Variants in PCDHGA7 observed in about 807,000 individuals in gnomAD.
PCDHGA7 encodes the protein protocadherin gamma-A7.
In PCDHGA7, 44 loss-of-function variants were observed where a neutral mutation model predicts 58.3. The observed-to-expected ratio is 0.75, with a 90% confidence interval of 0.59 to 0.97. The LOEUF (loss-of-function observed/expected upper bound fraction) is 0.97, where lower values mean the gene tolerates loss of function less well. Among genes scored for constraint, PCDHGA7 ranks in the 50% least tolerant of loss-of-function variants. PCDHGA7 has a pLI of 0.00. For missense variants in PCDHGA7, 1,266 were observed against 1,188.7 expected (o/e 1.06, Z -0.96); for synonymous variants, 516 against 504.2 (o/e 1.02, Z -0.31).
In PCDHGA7 at chr5:141,432,220, C is replaced by A. The variant is rs949257429; in HGVS notation, c.2424+46897C>A. ...CCGACTGTGAAGAGAACGCCCAGAT[C>A]ACTTATTCCCTGGCTGAGAACACCA... On this transcript the variant is annotated intron_variant, in intron 1 of 3. Coordinates refer to ENST00000518325, the MANE Select transcript of PCDHGA7 (RefSeq NM_018920.4). This position sits in a 1 kb window ranked among gnomAD's most constrained non-coding sequence, Gnocchi z 6.0. The A allele has an allele frequency of 2.5e-6, 4 of 1,614,246 alleles. No homozygotes were observed. The highest frequency in any genetic ancestry group is 1.6e-4 in the Middle Eastern group (1 of 6,062).
At chr5:141,414,733 G>A (rs768741206) in intron 1 of PCDHGA7, 2 of 1,614,174 alleles carry the variant, frequency 1.2e-6, no homozygotes. Flanking sequence ...CGTCCTGTAT[G>A]CACTCAGATC....
intron 1 of PCDHGA7, chr5:141,408,119 C>T (rs1271219465): frequency 6.8e-7 from 1 of 1,474,944 alleles, no homozygotes; most frequent in African/African-American, 1.4e-5. Flanking sequence ...CTCCTCCTGT[C>T]CTGGGCCGAA....
At chr5:141,474,143 T>C (rs933805562) in intron 1 of PCDHGA7, among the ~76,000 whole-genome samples, 5 of 152,188 alleles carry the variant, frequency 3.3e-5, no homozygotes, top group Non-Finnish European at 5.9e-5. Flanking sequence ...CAGGCCTTAT[T>C]ATCAAGAAAA....
chr5:141,494,844 C>T lies in PCDHGA7; in HGVS notation c.2462C>T (p.Ala821Val). The change falls in exon 2 of 4, where the codon GCC becomes GTC. Residue 821 changes from alanine to valine, a missense_variant. Ala to Val is a moderately conservative substitution (Grantham distance 64). Coordinates refer to ENST00000518325, the MANE Select transcript of PCDHGA7 (RefSeq NM_018920.4). ...PPNTDWRFSQ[A>V]QRPGTSGSQN... The stretch of plus-strand genomic sequence containing the variant: ...AACACGGACTGGCGTTTCTCTCAGG[C>T]CCAGAGACCCGGCACCAGCGGGTAG... The T allele has an allele frequency of 6.2e-7, 1 of 1,614,190 alleles. No homozygotes were observed. The highest frequency in any genetic ancestry group is 8.5e-7 in the Non-Finnish European group (1 of 1,180,028).
rs1312182657 is a variant in PCDHGA7 at position 141,406,777 on chromosome 5, CTT to C, written c.2424+21455_2424+21456del. Among the ~76,000 whole-genome samples the C allele has an allele frequency of 2.0e-5, 3 of 152,268 alleles. No individual in the cohort carries two copies. The East Asian group carries it at 5.8e-4, about 29-fold the overall frequency. On this transcript the variant is annotated intron_variant, in intron 1 of 3. Coordinates refer to ENST00000518325, the MANE Select transcript of PCDHGA7 (RefSeq NM_018920.4). ...CAAGGAATTAAAAATATTTCTCTCA[CTT>C]ATATATTATTTCTGGCTCAATTCTC...
chr5:141,412,973 C>G, intron 1 of PCDHGA7: 1 of 528,318 alleles, frequency 1.9e-6, no homozygotes, highest in Non-Finnish European at 3.3e-6. Flanking sequence ...GGAGAGAAAA[C>G]GCAGCCAGAG....
Position 141,432,691 on chromosome 5 carries a change from G to T in PCDHGA7, c.2424+47368G>T. 1 of 1,613,942 alleles carries T rather than the reference G, an allele frequency of 6.2e-7. No individual in the cohort carries two copies. The highest frequency in any genetic ancestry group is 1.1e-5 in the South Asian group (1 of 91,068). On this transcript the variant is annotated intron_variant, in intron 1 of 3. Coordinates refer to ENST00000518325, the MANE Select transcript of PCDHGA7 (RefSeq NM_018920.4). This position sits in a 1 kb window ranked among gnomAD's most constrained non-coding sequence, Gnocchi z 6.0. ...ACGCGCTCAAGCAGAGCCTCGTAGT[G>T]GCCGTCCAGGACCACGGCCAGCCCC... is the stretch of plus-strand genomic sequence containing the variant.
Position 141,384,094 on chromosome 5 carries a change from G to T in PCDHGA7, c.1195G>T (p.Asp399Tyr). 6.3e-7 allele frequency: 1 copy of T among 1,596,384 alleles called. No homozygotes were observed. The part of the protein sequence containing the change: ...NLPFKLEKSI[D>Y]NYYRLVTTKN... Reference sequence around the variant, plus strand: ...ACCTTTTAAATTAGAAAAATCAATAGATAATTATTATAGATTGGTCACAAC... The same window carrying T: ...ACCTTTTAAATTAGAAAAATCAATATATAATTATTATAGATTGGTCACAAC... The change falls in exon 1 of 4, where the codon GAT becomes TAT. Residue 399 changes from aspartate to tyrosine, a missense_variant. By Grantham distance (160) the Asp-to-Tyr change is radical (BLOSUM62 -3). Transcript: ENST00000518325.
intron 1 of PCDHGA7, chr5:141,399,654 G>A (rs2093857278): frequency 1.2e-6 from 2 of 1,613,586 alleles, no homozygotes. Flanking sequence ...AAAGTGGGGT[G>A]GTGTTCGCGC....
intron 1 of PCDHGA7, among the ~76,000 whole-genome samples, chr5:141,482,238 A>G (rs560354311): frequency 8.5e-5 from 13 of 152,304 alleles, no homozygotes; most frequent in African/African-American, 2.9e-4. Context: ...TTGCCAATAT[A>G]AGTATAGTAC....
At position 141,383,333 on chromosome 5, in the gene PCDHGA7, A is replaced by G; in HGVS notation, c.434A>G (p.Asn145Ser). 6.2e-7 allele frequency: 1 copy of G among 1,614,006 alleles called. No homozygotes were observed. Among genetic ancestry groups the G allele is most frequent in the South Asian group, 1.1e-5 (1 of 91,088 alleles). Residue 145 changes from asparagine (N) to serine (S), a missense_variant, in exon 1 of 4, where the codon AAT becomes AGT. Transcript: ENST00000518325. Reference sequence around the variant, plus strand: ...GAAATAAATGTAAAAATAATGGAGAATACAGCTCCTGGGGTTCGGTTTCCG... The same window carrying G: ...GAAATAAATGTAAAAATAATGGAGAGTACAGCTCCTGGGGTTCGGTTTCCG... ...TEEINVKIME[N>S]TAPGVRFPLS...
At chr5:141,508,244 C>A (rs1278674173) in intron 3 of PCDHGA7, 1 of 152,314 alleles carries the variant, frequency 6.6e-6, no homozygotes, top group Non-Finnish European at 1.5e-5. Context: ...CTAAGTCTGC[C>A]TCTCCTGGGA....
chr5:141,506,584 G>A (rs1413313164), intron 3 of PCDHGA7, among the ~76,000 whole-genome samples: 1 of 152,098 alleles, frequency 6.6e-6, no homozygotes, highest in African/African-American at 2.4e-5. Context: ...ACTATTAATG[G>A]GCACAGTATT....
chr5:141,464,063 A>G (rs893270944), intron 1 of PCDHGA7, among the ~76,000 whole-genome samples: 2 of 152,016 alleles, frequency 1.3e-5, no homozygotes, highest in Non-Finnish European at 2.9e-5. Flanking sequence ...TCAGGAGTTC[A>G]AGGCCAGCCT....
At chr5:141,455,449 G>A (rs1421095381) in intron 1 of PCDHGA7, among the ~76,000 whole-genome samples, 1 of 152,126 alleles carries the variant, frequency 6.6e-6, no homozygotes, top group Non-Finnish European at 1.5e-5. Flanking sequence ...CATCTACCGC[G>A]GATACCAGCC....
intron 1 of PCDHGA7, among the ~76,000 whole-genome samples, chr5:141,437,145 T>C (rs191316470): frequency 3.9e-5 from 6 of 152,364 alleles, no homozygotes; most frequent in Admixed American, 3.9e-4. Flanking sequence ...GGATTCATAA[T>C]TAACATATGT....
intron 2 of PCDHGA7, among the ~76,000 whole-genome samples, chr5:141,501,838 G>C (rs888418141): frequency 6.6e-6 from 1 of 152,000 alleles, no homozygotes; most frequent in African/African-American, 2.4e-5. Flanking sequence ...CACCTGTTTG[G>C]CCCTCAACCT....
chr5:141,409,178 G>C, intron 1 of PCDHGA7: 1 of 1,613,994 alleles, frequency 6.2e-7, no homozygotes, highest in Non-Finnish European at 8.5e-7. Context: ...GGACGGAGGT[G>C]GTCTCTCTAC....
intron 1 of PCDHGA7, chr5:141,402,966 C>G (rs749578447): frequency 6.8e-6 from 11 of 1,605,942 alleles, no homozygotes; most frequent in Non-Finnish European, 8.5e-6. Context: ...GCAGCTCCAA[C>G]CAAATGCCAG....
Sources: allele counts gnomAD v4.1 joint callset (sites outside exome capture counted in the v4.1 genomes callset), GRCh38; gene constraint gnomAD v4.1.1; non-coding constraint Gnocchi (gnomAD v3.1); transcripts MANE v1.5; gene names NCBI Gene and HGNC (gene_info 2026-07-23, HGNC 2026-07-21).